ZNF536: variants seen among roughly 807,000 people sequenced by gnomAD.
ZNF536 encodes the protein zinc finger protein 536.
A neutral mutation model predicts 84.5 loss-of-function variants in ZNF536; 13 were observed. That is an observed-to-expected ratio of 0.15 (90% confidence interval 0.10 to 0.24). The LOEUF (loss-of-function observed/expected upper bound fraction) is 0.24, where lower values mean the gene tolerates loss of function less well. ZNF536 is among the 10% of genes least tolerant of loss of function. The pLI is 1.00. For missense variants in ZNF536, 1,536 were observed against 1,747.5 expected, an observed-to-expected ratio of 0.88 and a Z score of 2.16; for synonymous variants, 811 against 742.5, an observed-to-expected ratio of 1.09 and a Z score of -1.50.
At chr19:30,433,322 T>C (rs1381239216) in intron 1 of ZNF536, among the ~76,000 whole-genome samples, 3 of 152,202 alleles carry the variant, frequency 2.0e-5, no homozygotes, top group African/African-American at 7.2e-5. Context: ...AGTCCATCCA[T>C]CTTCCCCCCA....
intron 1 of ZNF536, 40 bp from the exon 2 acceptor site, chr19:30,443,521 C>G (rs775663916): frequency 6.6e-7 from 1 of 1,506,322 alleles, no homozygotes; most frequent in Non-Finnish European, 8.9e-7. Context: ...GGCGCCACAG[C>G]CGCACCTGGC....
At chr19:30,522,448 T>C (rs981838517) in intron 2 of ZNF536, among the ~76,000 whole-genome samples, 9 of 151,572 alleles carry the variant, frequency 5.9e-5, no homozygotes, top group Non-Finnish European at 1.3e-4. Flanking sequence ...TCAGTGCAGC[T>C]CAAAAATGGC....
upstream of ZNF536, among the ~76,000 whole-genome samples, chr19:30,369,623 A>G (rs751973429): frequency 3.3e-5 from 5 of 152,236 alleles, no homozygotes; most frequent in South Asian, 4.1e-4. Flanking sequence ...TTGCAAAGGG[A>G]TGAATTATGA....
At chr19:30,289,894 A>T (rs2045776723) in intron 2 of ZNF536, among the ~76,000 whole-genome samples, 1 of 152,176 alleles carries the variant, frequency 6.6e-6, no homozygotes, top group South Asian at 2.1e-4. Flanking sequence ...ATAATATAAA[A>T]CTTACTATCT....
chr19:30,302,267 G>A (rs527984408), intron 2 of ZNF536, among the ~76,000 whole-genome samples: 2 of 152,290 alleles, frequency 1.3e-5, no homozygotes, highest in South Asian at 4.1e-4. Flanking sequence ...GGCTCTGTCC[G>A]TCCTGCGGCA....
intron 2 of ZNF536, among the ~76,000 whole-genome samples, chr19:30,456,308 C>CTTTT (rs11301441): frequency 1.7e-3 from 188 of 107,678 alleles, no homozygotes; most frequent in Non-Finnish European, 2.2e-3. Context: ...TGTTTCTTTT[C>CTTTT]TTTTTTTTTT....
At chr19:30,655,218 A>G (rs2049863737) in intron 1 of ZNF536, among the ~76,000 whole-genome samples, 1 of 152,196 alleles carries the variant, frequency 6.6e-6, no homozygotes, top group Admixed American at 6.5e-5. Flanking sequence ...TCAGCACTTA[A>G]TGGGTCTTGT....
chr19:30,705,415 T>G (rs965908009), intron 1 of ZNF536, among the ~76,000 whole-genome samples: 2 of 152,220 alleles, frequency 1.3e-5, no homozygotes, highest in Non-Finnish European at 2.9e-5. Context: ...TGTGTGTATG[T>G]GTGTTTGAGC....
At chr19:30,240,188 A>T (rs2023837340) in intron 1 of ZNF536, among the ~76,000 whole-genome samples, 1 of 151,922 alleles carries the variant, frequency 6.6e-6, no homozygotes, top group Non-Finnish European at 1.5e-5. Context: ...GGCCAACATG[A>T]TGAAACCCCA....
At chr19:30,488,653 C>T (rs2054387715) in intron 2 of ZNF536, among the ~76,000 whole-genome samples, 1 of 151,976 alleles carries the variant, frequency 6.6e-6, no homozygotes, top group Admixed American at 6.5e-5. Flanking sequence ...AACTCTTCCC[C>T]ATTCGCTAAA....
intron 2 of ZNF536, among the ~76,000 whole-genome samples, chr19:30,290,749 G>A (rs2045809380): frequency 6.6e-6 from 1 of 152,182 alleles, no homozygotes; most frequent in Admixed American, 6.5e-5. Flanking sequence ...GTACACATGT[G>A]CCATAGTAGT....
intron 2 of ZNF536, among the ~76,000 whole-genome samples, chr19:30,452,637 G>A (rs902178368): frequency 6.6e-6 from 1 of 152,208 alleles, no homozygotes; most frequent in Non-Finnish European, 1.5e-5. Context: ...TTGAGCCTGG[G>A]AAGTCAGGGG....
chr19:30,516,305 G>A (rs1217136989), intron 2 of ZNF536, among the ~76,000 whole-genome samples: 1 of 152,162 alleles, frequency 6.6e-6, no homozygotes, highest in Non-Finnish European at 1.5e-5. Context: ...GCTTCTCCCT[G>A]CACGGACCAG....
At chr19:30,441,037 G>A (rs1237388754) in intron 1 of ZNF536, among the ~76,000 whole-genome samples, 1 of 152,182 alleles carries the variant, frequency 6.6e-6, no homozygotes, top group Non-Finnish European at 1.5e-5. Flanking sequence ...AGCATGAATG[G>A]TGGTGGTGTT....
At chr19:30,522,398 G>A (rs1290863582) in intron 2 of ZNF536, among the ~76,000 whole-genome samples, 2 of 150,970 alleles carry the variant, frequency 1.3e-5, no homozygotes, top group African/African-American at 2.4e-5. Context: ...CAAGGATTGC[G>A]TTCATCTGAT....
At chr19:30,282,314 G>A (rs956769233) in intron 1 of ZNF536, among the ~76,000 whole-genome samples, 28 of 152,232 alleles carry the variant, frequency 1.8e-4, no homozygotes, top group African/African-American at 6.5e-4. Flanking sequence ...TGTTGGAAGA[G>A]CACAGCCTCC....
At chr19:30,493,225 A>C (rs1052423381) in intron 2 of ZNF536, among the ~76,000 whole-genome samples, 3 of 150,608 alleles carry the variant, frequency 2.0e-5, no homozygotes, top group African/African-American at 4.9e-5. Flanking sequence ...AACGTGTGTA[A>C]TGAAACCTTC....
intron 3 of ZNF536, among the ~76,000 whole-genome samples, chr19:30,355,527 A>G (rs778425334): frequency 2.6e-5 from 4 of 151,954 alleles, no homozygotes; most frequent in African/African-American, 4.8e-5. Flanking sequence ...AACTAGGACT[A>G]CAAGTGCCTC....
chr19:30,413,899 G>A (rs1487275052), intron 1 of ZNF536, among the ~76,000 whole-genome samples: 1 of 151,882 alleles, frequency 6.6e-6, no homozygotes, highest in Non-Finnish European at 1.5e-5. Context: ...AGACCAGCCT[G>A]GCTAACATGG....
Sources: gnomAD v4.1 joint callset for allele counts (sites outside exome capture counted in the v4.1 genomes callset) on GRCh38, gnomAD v4.1.1 for gene constraint, MANE v1.5 for transcripts, NCBI Gene and HGNC (gene_info 2026-07-23, HGNC 2026-07-21) for gene names.